The following KCNT2 variants were observed in gnomAD, a reference collection of about 807,000 sequenced individuals.
KCNT2 encodes the protein potassium sodium-activated channel subfamily T member 2, also known as potassium channel subfamily T member 2.
A neutral mutation model predicts 153.8 loss-of-function variants in KCNT2; 67 were observed. That is an observed-to-expected ratio of 0.44 (90% confidence interval 0.36 to 0.53). The LOEUF is 0.53. Ranked by LOEUF, KCNT2 falls within the 20% of genes least tolerant of loss-of-function variation. KCNT2 has a pLI of 0.00. For synonymous variants in KCNT2, 500 were observed against 458.8 expected, an observed-to-expected ratio of 1.09 and a Z score of -1.15; for missense variants, 975 against 1,354.8, an observed-to-expected ratio of 0.72 and a Z score of 4.40.
intron 12 of KCNT2, among the ~76,000 whole-genome samples, chr1:196,399,728 A>C (rs1186458924): frequency 6.6e-6 from 1 of 151,798 alleles, no homozygotes; most frequent in Admixed American, 6.6e-5. Context: ...CCTACCCTGC[A>C]TTGTGAAGGT....
chr1:196,237,041 T>C (rs1212682091), intron 26 of KCNT2, among the ~76,000 whole-genome samples: 1 of 151,550 alleles, frequency 6.6e-6, no homozygotes, highest in African/African-American at 2.4e-5. Context: ...ACTAAATTTT[T>C]CAGTTTGACC....
intron 14 of KCNT2, among the ~76,000 whole-genome samples, chr1:196,371,422 G>C (rs1668525192): frequency 6.6e-6 from 1 of 151,812 alleles, no homozygotes; most frequent in African/African-American, 2.4e-5. Context: ...ATCATTTAAT[G>C]GTGATGGTTG....
At chr1:196,284,100 G>T (rs917254402) in intron 23 of KCNT2, among the ~76,000 whole-genome samples, 4 of 149,158 alleles carry the variant, frequency 2.7e-5, no homozygotes, top group Admixed American at 1.3e-4. Context: ...ATGTAATGGT[G>T]CACACCTGTA....
chr1:196,439,718 ATATACCTGTAG>A (rs1367788869), intron 8 of KCNT2, among the ~76,000 whole-genome samples: 2 of 151,980 alleles, frequency 1.3e-5, no homozygotes, highest in African/African-American at 4.8e-5. Flanking sequence ...TTTTATTAAT[ATATACCTGTAG>A]CAAGCCATTT....
intron 1 of KCNT2, among the ~76,000 whole-genome samples, chr1:196,493,632 A>G (rs1261783667): frequency 5.3e-5 from 8 of 152,078 alleles, no homozygotes; most frequent in Non-Finnish European, 2.9e-5. Context: ...TACACATGCC[A>G]TGTGTATGGT....
chr1:196,346,058 A>T (rs1456594806), intron 14 of KCNT2, among the ~76,000 whole-genome samples: 1 of 152,176 alleles, frequency 6.6e-6, no homozygotes, highest in Non-Finnish European at 1.5e-5. Flanking sequence ...AATACTAGGT[A>T]CATGGGTGTT....
intron 8 of KCNT2, among the ~76,000 whole-genome samples, chr1:196,462,962 C>A (rs1469143926): frequency 2.6e-5 from 4 of 151,620 alleles, no homozygotes; most frequent in Admixed American, 6.6e-5. Flanking sequence ...CAAATTCTAG[C>A]CTAAAGTACA....
chr1:196,250,695 A>G (rs1020463112), intron 26 of KCNT2, among the ~76,000 whole-genome samples: 4 of 152,172 alleles, frequency 2.6e-5, no homozygotes, highest in African/African-American at 4.8e-5. Flanking sequence ...AACCCACAAT[A>G]TGGGAGAAAC....
At chr1:196,549,990 C>T (rs149007205) in intron 1 of KCNT2, among the ~76,000 whole-genome samples, 2 of 151,984 alleles carry the variant, frequency 1.3e-5, no homozygotes, top group East Asian at 3.9e-4. Flanking sequence ...AGACAGACAT[C>T]ATGTACTTGA....
Position 196,608,419 on chromosome 1 carries a change from A to T in KCNT2, c.-110T>A. The T allele has an allele frequency of 3.9e-6, 3 of 762,686 alleles. No homozygotes were observed. The highest frequency in any genetic ancestry group is 6.7e-6 in the Non-Finnish European group (3 of 448,838). The allele number at this position is 762,686 out of a possible 1,614,324, so 47.2% of individuals were successfully genotyped here. On this transcript the variant is annotated 5_prime_UTR_variant, in exon 1 of 28. Coordinates refer to ENST00000294725, the MANE Select transcript of KCNT2 (RefSeq NM_198503.5). ...GGACTAACAAGACGCTGTGGCCGAG[A>T]GAGGGATGGGAGAAGGGGAAGGGGA...
At chr1:196,418,859 G>C (rs1672960023) in intron 12 of KCNT2, among the ~76,000 whole-genome samples, 1 of 152,140 alleles carries the variant, frequency 6.6e-6, no homozygotes, top group Non-Finnish European at 1.5e-5. Context: ...CCCCTGCCCA[G>C]AAGTGGAAAG....
Position 196,322,649 on chromosome 1 carries a change from T to G in KCNT2, c.2277-3094A>C, listed in dbSNP as rs1663441862. 2.0e-5 allele frequency among the ~76,000 whole-genome samples: 3 copies of G among 151,966 alleles called. No individual in the cohort carries two copies. The South Asian group carries it at 6.2e-4, about 31-fold the overall frequency. On this transcript the variant is annotated intron_variant, in intron 19 of 27. Coordinates refer to ENST00000294725, the MANE Select transcript of KCNT2 (RefSeq NM_198503.5). The stretch of plus-strand genomic sequence containing the variant: ...GTGACTGTTAGGAAGTAAAAAAGGT[T>G]TGCAAATTTGTATGAATTTGTAAAA...
At chr1:196,424,930 C>T (rs115015650) in intron 11 of KCNT2, among the ~76,000 whole-genome samples, 2 of 151,416 alleles carry the variant, frequency 1.3e-5, no homozygotes, top group African/African-American at 2.4e-5. Context: ...CACAAATACA[C>T]ACCCGCTCAT....
chr1:196,297,904 T>G (rs1660823757), intron 22 of KCNT2, among the ~76,000 whole-genome samples: 1 of 152,196 alleles, frequency 6.6e-6, no homozygotes, highest in South Asian at 2.1e-4. Context: ...TATTCAATGT[T>G]GTAATGCCTA....
At chr1:196,337,065 ATC>A (rs927160410) in intron 16 of KCNT2, among the ~76,000 whole-genome samples, 3 of 151,434 alleles carry the variant, frequency 2.0e-5, no homozygotes, top group African/African-American at 7.3e-5. Context: ...TTTTCAGCCT[ATC>A]TCTCTCTCTC....
At chr1:196,259,875 G>A (rs1360636078) in intron 25 of KCNT2, among the ~76,000 whole-genome samples, 3 of 151,782 alleles carry the variant, frequency 2.0e-5, no homozygotes, top group African/African-American at 7.2e-5. Context: ...AGCATTAAAA[G>A]TTTTTAATAC....
At chr1:196,425,754 C>A (rs1191797977) in intron 11 of KCNT2, 98 bp downstream of exon 11, 2 of 1,220,922 alleles carry the variant, frequency 1.6e-6, no homozygotes, top group African/African-American at 3.0e-5. Flanking sequence ...TACTTTAACA[C>A]ATCTTGCAAC....
chr1:196,293,654 C>A (rs984137385), intron 22 of KCNT2, among the ~76,000 whole-genome samples: 4 of 152,018 alleles, frequency 2.6e-5, no homozygotes, highest in Admixed American at 6.6e-5. Flanking sequence ...AAAATTTGGA[C>A]CTTATCTCAT....
chr1:196,571,305 G>T (rs182759053), intron 1 of KCNT2, among the ~76,000 whole-genome samples: 1 of 152,152 alleles, frequency 6.6e-6, no homozygotes, highest in African/African-American at 2.4e-5. Flanking sequence ...CATGAGACAA[G>T]AACTGAAAAA....
Sources: gnomAD v4.1 joint callset for allele counts (sites outside exome capture counted in the v4.1 genomes callset) on GRCh38, gnomAD v4.1.1 for gene constraint, MANE v1.5 for transcripts, NCBI Gene and HGNC (gene_info 2026-07-23, HGNC 2026-07-21) for gene names.